Variants in CLEC20A observed in about 807,000 individuals in gnomAD.
CLEC20A encodes the protein C-type lectin domain containing 20A, also known as putative C-type lectin domain family 20 member A.
chr1:178,483,138 T>C, intron 6 of CLEC20A, 37 bp downstream of exon 6: 1 of 398,552 alleles, frequency 2.5e-6, no homozygotes, highest in Admixed American at 4.4e-5. Context: ...ACTGCTCCAC[T>C]GGTAAGAGTA....
chr1:178,482,275 A>G (rs1475260053), intron 7 of CLEC20A, 37 bp downstream of exon 7: 3 of 398,402 alleles, frequency 7.5e-6, no homozygotes, highest in South Asian at 2.5e-4. Flanking sequence ...ATGTCCAATC[A>G]TCTGATCAGA....
At chr1:178,497,438 T>C (rs1377623636), upstream of CLEC20A, among the ~76,000 whole-genome samples, 1 of 152,106 alleles carries the variant, frequency 6.6e-6, no homozygotes, top group Non-Finnish European at 1.5e-5. Context: ...GTCATGAGAA[T>C]CCCCCATTCC....
At chr1:178,494,016 G>A (rs1245651514) in intron 2 of CLEC20A, among the ~76,000 whole-genome samples, 2 of 152,200 alleles carry the variant, frequency 1.3e-5, no homozygotes, top group Non-Finnish European at 2.9e-5. Flanking sequence ...AAGTGATGTG[G>A]CAAAAAGAGT....
chr1:178,494,084 C>T (rs528651634), intron 2 of CLEC20A, among the ~76,000 whole-genome samples: 5 of 152,258 alleles, frequency 3.3e-5, no homozygotes, highest in East Asian at 1.9e-4. Flanking sequence ...CTCCCTGCCC[C>T]GTCATTTGCT....
chr1:178,486,236 G>C (rs551608051), intron 5 of CLEC20A, among the ~76,000 whole-genome samples: 1 of 152,168 alleles, frequency 6.6e-6, no homozygotes, highest in Non-Finnish European at 1.5e-5. Context: ...TGTAGGATGC[G>C]CTGGAATGCA....
chr1:178,489,234 G>A (rs1212471087), intron 4 of CLEC20A, among the ~76,000 whole-genome samples: 1 of 152,138 alleles, frequency 6.6e-6, no homozygotes, highest in South Asian at 2.1e-4. Flanking sequence ...GTGGTAGTGG[G>A]CACCTGTAAC....
At chr1:178,491,691 A>G (rs1370578038) in intron 3 of CLEC20A, among the ~76,000 whole-genome samples, 1 of 152,214 alleles carries the variant, frequency 6.6e-6, no homozygotes, top group East Asian at 1.9e-4. Context: ...TACCATGCAG[A>G]AAACCCACTC....
chr1:178,496,038 G>A (rs1288037579), intron 1 of CLEC20A: 1 of 152,392 alleles, frequency 6.6e-6, no homozygotes, highest in Non-Finnish European at 1.5e-5. Context: ...ACTTGCCAAG[G>A]AGAACAAGCT....
intron 6 of CLEC20A, chr1:178,482,971 T>C (rs570457156): frequency 5.1e-4 from 195 of 381,240 alleles, no homozygotes; most frequent in African/African-American, 3.7e-3. Flanking sequence ...AGAAGAGAAA[T>C]AGAAATTCAG....
In CLEC20A at chr1:178,494,814, G is replaced by A. The variant is rs1335115808; in HGVS notation, c.41-4C>T. 7.5e-6 allele frequency: 3 copies of A among 399,108 alleles called. No individual in the cohort carries two copies. Among genetic ancestry groups the A allele is most frequent in the Non-Finnish European group, 1.3e-5 (3 of 226,266 alleles). The allele number at this position is 399,108 out of a possible 1,614,324, so 24.7% of individuals were successfully genotyped here. On this transcript the variant is annotated splice_polypyrimidine_tract_variant and splice_region_variant and intron_variant, in intron 1 of 7. Transcript: ENST00000623247. ...TTACTGCTCACCAGCTGCAGGGCTG[G>A]AACAGGAGAGGCTGTCATAGCATGG...
intron 1 of CLEC20A, among the ~76,000 whole-genome samples, chr1:178,495,141 C>G (rs2101878838): frequency 6.6e-6 from 1 of 152,392 alleles, no homozygotes; most frequent in East Asian, 1.9e-4. Flanking sequence ...TTCCTACATG[C>G]TGCAGTGCAC....
chr1:178,491,549 G>A (rs961438507), intron 3 of CLEC20A, among the ~76,000 whole-genome samples: 1 of 152,128 alleles, frequency 6.6e-6, no homozygotes, highest in Admixed American at 6.5e-5. Context: ...TGAGAAGTTG[G>A]TGTCATTAGC....
In CLEC20A at chr1:178,484,931, T is replaced by C. The variant is rs114688203; in HGVS notation, c.929-1649A>G. On this transcript the variant is annotated intron_variant, in intron 5 of 7. Coordinates refer to ENST00000623247, the Ensembl canonical transcript of CLEC20A. Reference sequence around the variant, plus strand: ...TCTTTCCCCACACACACGTTTCCTGTCTCTCCTTTTCTGATTGGCCACCCC... The same window carrying C: ...TCTTTCCCCACACACACGTTTCCTGCCTCTCCTTTTCTGATTGGCCACCCC... Among the ~76,000 whole-genome samples the C allele has an allele frequency of 1.7e-3, 252 of 152,224 alleles. 1 individual carries two copies. Among genetic ancestry groups the C allele is most frequent in the African/African-American group, 5.9e-3 (244 of 41,562 alleles).
chr1:178,488,830 G>A (rs570456293), intron 4 of CLEC20A, among the ~76,000 whole-genome samples: 44 of 152,320 alleles, frequency 2.9e-4, no homozygotes, highest in African/African-American at 1.0e-3. Flanking sequence ...TTAAGGATAA[G>A]GATCATGCGT....
At chr1:178,488,740 C>T (rs548719271) in intron 4 of CLEC20A, 141 bp from the exon 5 acceptor site, 190 of 396,156 alleles carry the variant, frequency 4.8e-4, no homozygotes, top group African/African-American at 3.7e-3. Flanking sequence ...GTACATCTAC[C>T]GTGTGCCAAT....
intron 7 of CLEC20A, 24 bp downstream of exon 7, chr1:178,482,288 T>TA (rs538433804): frequency 1.4e-4 from 56 of 398,594 alleles, no homozygotes; most frequent in African/African-American, 1.1e-3. Flanking sequence ...TGATCAGAAT[T>TA]AGAAGAGTGT....
intron 1 of CLEC20A, 98 bp from the exon 2 acceptor site, chr1:178,494,908 T>C: frequency 2.5e-6 from 1 of 398,294 alleles, no homozygotes; most frequent in Non-Finnish European, 4.4e-6. Flanking sequence ...CCCCAGCCTC[T>C]TCCCGCCCAC....
At position 178,496,758 on chromosome 1, in the gene CLEC20A, G is replaced by T. The variant is rs1212035368; in HGVS notation, c.40+142C>A. 1.5e-5 allele frequency: 6 copies of T among 398,014 alleles called. No individual in the cohort carries two copies. In the Admixed American group the frequency reaches 2.2e-4, roughly 15 times the overall value. The allele number at this position is 398,014 out of a possible 1,614,324, so 24.7% of individuals were successfully genotyped here. A position where few individuals can be genotyped will look rare whatever the true frequency, so the allele number is the denominator to read the frequency against. ...GCTCCCTTCCCAACCCTGTTCTGAG[G>T]GTTGAAAAGCATTCATTTCTTTCCA... On this transcript the variant is annotated intron_variant, in intron 1 of 7. Coordinates refer to ENST00000623247, the Ensembl canonical transcript of CLEC20A.
rs116675195 is a variant in CLEC20A, at chr1:178,490,359, C to T, written c.542G>A (p.Arg181His). 1.6e-3 allele frequency: 625 copies of T among 398,648 alleles called. 6 individuals carry two copies. The highest frequency in any genetic ancestry group is 1.9e-3 in the Middle Eastern group (3 of 1,588). 24.7% of individuals were successfully genotyped at this position (398,648 alleles called of 1,614,324 possible). ...GTCGGCCAGATCCGTGTGGTGGCTGCGGCAGTACAGCAGGGCCGAGGACCA... is the reference window on the plus strand; with the variant it reads ...GTCGGCCAGATCCGTGTGGTGGCTGTGGCAGTACAGCAGGGCCGAGGACCA... The change falls in exon 4 of 8, where the codon CGC (arginine) becomes CAC (histidine). Residue 181 changes from arginine to histidine, a missense_variant. Transcript: ENST00000623247.
Sources: gnomAD v4.1 joint callset for allele counts (sites outside exome capture counted in the v4.1 genomes callset) on GRCh38, gnomAD v4.1.1 for gene constraint, MANE v1.5 for transcripts, NCBI Gene and HGNC (gene_info 2026-07-23, HGNC 2026-07-21) for gene names.